The following SORCS3 variants were observed in gnomAD, a reference collection of about 807,000 sequenced individuals.
SORCS3 encodes the protein VPS10 domain-containing receptor SorCS3.
In SORCS3, 57 loss-of-function variants were observed where a neutral mutation model predicts 146.3. The ratio of observed to expected loss-of-function variants is 0.39; its 90% CI spans 0.31 to 0.49. SORCS3 has a LOEUF of 0.49. Among genes scored for constraint, SORCS3 ranks in the 20% least tolerant of loss-of-function variants. The pLI is 0.92. For synonymous variants in SORCS3, 653 were observed against 618.5 expected, an observed-to-expected ratio of 1.06 and a Z score of -0.83; for missense variants, 1,341 against 1,575.5, an observed-to-expected ratio of 0.85 and a Z score of 2.52.
intron 2 of SORCS3, among the ~76,000 whole-genome samples, chr10:104,907,422 T>C (rs1423130094): frequency 1.3e-5 from 2 of 152,204 alleles, no homozygotes; most frequent in Admixed American, 1.3e-4. Context: ...AACTAATGTG[T>C]TCACACCAAA....
chr10:105,134,794 C>T (rs148387303), intron 7 of SORCS3, among the ~76,000 whole-genome samples: 4 of 152,094 alleles, frequency 2.6e-5, no homozygotes, highest in East Asian at 3.9e-4. Flanking sequence ...AAAATATGTT[C>T]GTTTCATCCC....
At chr10:105,212,770 G>C (rs1325307759) in intron 17 of SORCS3, among the ~76,000 whole-genome samples, 1 of 152,140 alleles carries the variant, frequency 6.6e-6, no homozygotes, top group Non-Finnish European at 1.5e-5. Context: ...AAGAGTAGAT[G>C]ATATCAAGTT....
At chr10:104,972,610 A>G (rs2054867124) in intron 3 of SORCS3, among the ~76,000 whole-genome samples, 1 of 151,982 alleles carries the variant, frequency 6.6e-6, no homozygotes, top group Non-Finnish European at 1.5e-5. Context: ...AGTGGCATGG[A>G]GAATGGGATG....
intron 22 of SORCS3, among the ~76,000 whole-genome samples, chr10:105,251,578 T>C (rs2056898512): frequency 6.6e-6 from 1 of 151,978 alleles, no homozygotes; most frequent in African/African-American, 2.4e-5. Flanking sequence ...CAGGTAGAGA[T>C]AGTCAGGGGG....
At chr10:105,126,487 T>C (rs925865032) in intron 7 of SORCS3, among the ~76,000 whole-genome samples, 2 of 152,168 alleles carry the variant, frequency 1.3e-5, no homozygotes, top group African/African-American at 4.8e-5. Context: ...TAAAATGTCC[T>C]TCAGTGTTTA....
chr10:105,043,270 C>A, intron 5 of SORCS3, 142 bp downstream of exon 5: 1 of 683,672 alleles, frequency 1.5e-6, no homozygotes, highest in Non-Finnish European at 2.5e-6. Context: ...TGTAGAATAG[C>A]AGCATCAGCA....
chr10:104,889,100 C>T (rs2018722274), intron 2 of SORCS3, among the ~76,000 whole-genome samples: 1 of 151,970 alleles, frequency 6.6e-6, no homozygotes, highest in Non-Finnish European at 1.5e-5. Flanking sequence ...TCTTGGTATT[C>T]ATATAGCTAC....
At chr10:105,262,591 C>A in intron 26 of SORCS3, 100 bp downstream of exon 26, 1 of 1,190,732 alleles carries the variant, frequency 8.4e-7, no homozygotes, top group Non-Finnish European at 1.2e-6. Context: ...AGGGTGGGGA[C>A]AAACAACTAC....
At chr10:104,916,309 T>G (rs1589548268) in intron 3 of SORCS3, among the ~76,000 whole-genome samples, 1 of 152,146 alleles carries the variant, frequency 6.6e-6, no homozygotes, top group African/African-American at 2.4e-5. Flanking sequence ...TAAGCATGGG[T>G]TTGCTCAGCT....
At chr10:104,954,800 C>T (rs2019469822) in intron 3 of SORCS3, among the ~76,000 whole-genome samples, 1 of 152,086 alleles carries the variant, frequency 6.6e-6, no homozygotes, top group Admixed American at 6.5e-5. Flanking sequence ...TTATTATTTT[C>T]CATTAAGCAG....
intron 5 of SORCS3, among the ~76,000 whole-genome samples, chr10:105,077,802 G>A (rs1181779014): frequency 6.6e-6 from 1 of 152,184 alleles, no homozygotes; most frequent in African/African-American, 2.4e-5. Context: ...GTGTGTGGGT[G>A]TAGCCTGATC....
At chr10:104,721,131 C>T (rs909869707) in intron 1 of SORCS3, among the ~76,000 whole-genome samples, 10 of 152,176 alleles carry the variant, frequency 6.6e-5, no homozygotes, top group African/African-American at 4.8e-5. Flanking sequence ...AAGTCTTTAA[C>T]CCATCTTGAA....
chr10:104,963,228 C>T (rs758665879), intron 3 of SORCS3, among the ~76,000 whole-genome samples: 7 of 152,126 alleles, frequency 4.6e-5, no homozygotes, highest in African/African-American at 7.2e-5. Context: ...ATAAGAGTCT[C>T]GTTCCATATT....
chr10:104,961,195 G>A (rs1244124844), intron 3 of SORCS3, among the ~76,000 whole-genome samples: 2 of 152,094 alleles, frequency 1.3e-5, no homozygotes, highest in Admixed American at 1.3e-4. Flanking sequence ...GTAGCAACTT[G>A]GATGCTTGAA....
At chr10:104,736,564 T>C (rs2016775574) in intron 1 of SORCS3, among the ~76,000 whole-genome samples, 1 of 152,204 alleles carries the variant, frequency 6.6e-6, no homozygotes, top group South Asian at 2.1e-4. Context: ...TTGGATATTA[T>C]TGTCAGCATC....
rs138645638 is a variant in SORCS3, at chr10:104,777,791, A to G, written c.628-65001A>G. Among the ~76,000 whole-genome samples, 685 of 152,260 alleles carry G rather than the reference A, an allele frequency of 4.5e-3. 5 individuals are homozygous for G. The highest frequency in any genetic ancestry group is 0.012 in the South Asian group (57 of 4,810). ...TTGAAAGAGATTAGGGCTCAGTGGG[A>G]CTGCAGTGAGGGTACTGATATCATT... is the stretch of plus-strand genomic sequence containing the variant. On this transcript the variant is annotated intron_variant, in intron 1 of 26. Transcript: ENST00000369701.
intron 4 of SORCS3, among the ~76,000 whole-genome samples, chr10:105,031,255 C>T (rs920792221): frequency 3.3e-5 from 5 of 151,738 alleles, no homozygotes; most frequent in African/African-American, 1.2e-4. Flanking sequence ...GCCGAGATCA[C>T]GCCACTGCCC....
At position 104,788,611 on chromosome 10, in the gene SORCS3, C is replaced by T. The variant is rs58109005; in HGVS notation, c.628-54181C>T. Among the ~76,000 whole-genome samples, 1,307 of 152,242 alleles carry T rather than the reference C, an allele frequency of 8.6e-3. 16 individuals are homozygous for T. The highest frequency in any genetic ancestry group is 0.03 in the African/African-American group (1,238 of 41,542). On this transcript the variant is annotated intron_variant, in intron 1 of 26. Coordinates refer to ENST00000369701, the MANE Select transcript of SORCS3 (RefSeq NM_014978.3). ...GCTTTTCATAGAAAACCCTTTAGTG[C>T]TTCTGGATTTGTGTTTTGTTTTCTA...
At chr10:105,257,817 A>G (rs1357640258) in intron 25 of SORCS3, among the ~76,000 whole-genome samples, 1 of 152,220 alleles carries the variant, frequency 6.6e-6, no homozygotes, top group East Asian at 1.9e-4. Context: ...ATAAATAACA[A>G]AGCACATGCC....
Sources: allele counts gnomAD v4.1 joint callset (sites outside exome capture counted in the v4.1 genomes callset), GRCh38; gene constraint gnomAD v4.1.1; transcripts MANE v1.5; gene names NCBI Gene and HGNC (gene_info 2026-07-23, HGNC 2026-07-21).